Variants in TENM4 observed in about 807,000 individuals in gnomAD.
TENM4 encodes teneurin transmembrane protein 4.
Under a neutral mutation model 243.3 loss-of-function variants are expected in TENM4, and 82 were observed. The ratio of observed to expected loss-of-function variants is 0.34; its 90% CI spans 0.28 to 0.40. The LOEUF is 0.40. Among genes scored for constraint, TENM4 ranks in the 10% least tolerant of loss-of-function variants. The pLI is 1.00. For missense variants in TENM4, 3,138 were observed against 3,673.3 expected, an observed-to-expected ratio of 0.85 and a Z score of 3.77; for synonymous variants, 1,412 against 1,456.3, an observed-to-expected ratio of 0.97 and a Z score of 0.69.
chr11:78,806,113 G>C (rs1331557935), intron 14 of TENM4, among the ~76,000 whole-genome samples: 1 of 151,826 alleles, frequency 6.6e-6, no homozygotes, highest in African/African-American at 2.4e-5. Flanking sequence ...AACACAGCGA[G>C]ATCCTGTCTC....
intron 6 of TENM4, among the ~76,000 whole-genome samples, chr11:78,995,973 A>T (rs1168748360): frequency 6.6e-6 from 1 of 152,124 alleles, no homozygotes; most frequent in Non-Finnish European, 1.5e-5. Context: ...CTAAACTGAG[A>T]TCGCTTATGT....
rs139222502 is a variant in TENM4 at position 78,941,794 on chromosome 11, A to T, written c.494-38271T>A. Among the ~76,000 whole-genome samples the T allele has an allele frequency of 3.8e-3, 572 of 152,334 alleles. 3 individuals are homozygous for T. The highest frequency in any genetic ancestry group is 0.013 in the African/African-American group (536 of 41,564). ...TGAAATGGGCAGAGAGCTGACTCTG[A>T]CACAACACAGGCTGCATTCTTGGCC... On this transcript the variant is annotated intron_variant, in intron 6 of 33. Coordinates refer to ENST00000278550, the MANE Select transcript of TENM4 (RefSeq NM_001098816.3).
At chr11:79,292,975 C>G (rs1258346865) in intron 2 of TENM4, among the ~76,000 whole-genome samples, 2 of 152,146 alleles carry the variant, frequency 1.3e-5, no homozygotes, top group African/African-American at 4.8e-5. Context: ...GGCTGAGACT[C>G]CCAGTTTCTG....
chr11:79,276,802 T>C (rs1227678184), intron 2 of TENM4, among the ~76,000 whole-genome samples: 1 of 152,074 alleles, frequency 6.6e-6, no homozygotes, highest in African/African-American at 2.4e-5. Flanking sequence ...CAGCAGCCTT[T>C]TTCCTCTGCC....
intron 1 of TENM4, among the ~76,000 whole-genome samples, chr11:79,334,584 T>A (rs1857117201): frequency 6.6e-6 from 1 of 152,172 alleles, no homozygotes; most frequent in African/African-American, 2.4e-5. Flanking sequence ...GACAGGGGCA[T>A]CCCTTGCCTG....
chr11:78,952,654 C>T (rs61595970), intron 6 of TENM4, among the ~76,000 whole-genome samples: 1,630 of 152,312 alleles, frequency 0.011, 35 homozygotes, highest in African/African-American at 0.037. Flanking sequence ...GTGATCACAA[C>T]TTTAGTTTTG....
At chr11:78,773,780 GT>G (rs2136001222) in intron 17 of TENM4, among the ~76,000 whole-genome samples, 1 of 152,176 alleles carries the variant, frequency 6.6e-6, no homozygotes, top group East Asian at 1.9e-4. Context: ...CCAACCTCTG[GT>G]TTAGATGCTT....
At chr11:79,146,474 A>G (rs909010331) in intron 4 of TENM4, among the ~76,000 whole-genome samples, 11 of 152,124 alleles carry the variant, frequency 7.2e-5, no homozygotes, top group African/African-American at 2.7e-4. Context: ...AGGTGTGGAA[A>G]CACCTCTGAA....
chr11:79,170,064 T>C (rs1004006643), intron 3 of TENM4, among the ~76,000 whole-genome samples: 4 of 152,178 alleles, frequency 2.6e-5, no homozygotes, highest in Non-Finnish European at 4.4e-5. Flanking sequence ...CATGAGCTCT[T>C]TCCTGTCCAG....
intron 18 of TENM4, among the ~76,000 whole-genome samples, chr11:78,765,979 A>C (rs1257828107): frequency 6.6e-6 from 1 of 152,262 alleles, no homozygotes; most frequent in Non-Finnish European, 1.5e-5. Flanking sequence ...AAAAAATAGA[A>C]TGTAAAATTT....
chr11:78,794,863 T>C (rs567360018), intron 15 of TENM4, among the ~76,000 whole-genome samples: 4 of 152,282 alleles, frequency 2.6e-5, no homozygotes, highest in Middle Eastern at 6.8e-3. Context: ...AAAAGAATTC[T>C]CTAGATGGGA....
chr11:78,761,785 C>T (rs911875480), intron 18 of TENM4, among the ~76,000 whole-genome samples: 1 of 152,054 alleles, frequency 6.6e-6, no homozygotes, highest in African/African-American at 2.4e-5. Flanking sequence ...TAGTCCTTTT[C>T]TCACATGACT....
At chr11:79,320,955 A>G (rs1856878275) in intron 1 of TENM4, among the ~76,000 whole-genome samples, 1 of 152,200 alleles carries the variant, frequency 6.6e-6, no homozygotes, top group South Asian at 2.1e-4. Context: ...CCTCTTCTCA[A>G]TCTTGACAAA....
chr11:78,844,055 G>A (rs972075506), intron 12 of TENM4, among the ~76,000 whole-genome samples: 5 of 152,172 alleles, frequency 3.3e-5, no homozygotes, highest in African/African-American at 1.2e-4. Flanking sequence ...AGTTGGATTC[G>A]AAGACTCGGC....
rs117563538 is a variant in TENM4 at position 79,389,920 on chromosome 11, T to C, written c.-321+50589A>G. On this transcript the variant is annotated intron_variant, in intron 1 of 33. Transcript: ENST00000278550. ...TGTAAAGCCTAAAATATTTACTACCTGGCCCTTTCCAGAAAACGTTTGCTG... is the reference window on the plus strand; with the variant it reads ...TGTAAAGCCTAAAATATTTACTACCCGGCCCTTTCCAGAAAACGTTTGCTG... Among the ~76,000 whole-genome samples, 499 of 152,354 alleles carry C rather than the reference T, an allele frequency of 3.3e-3. 3 individuals are homozygous for C. Among genetic ancestry groups the C allele is most frequent in the Non-Finnish European group, 5.8e-3 (396 of 68,032 alleles).
chr11:78,991,808 A>G (rs1367296021), intron 6 of TENM4, among the ~76,000 whole-genome samples: 1 of 152,190 alleles, frequency 6.6e-6, no homozygotes, highest in Non-Finnish European at 1.5e-5. Flanking sequence ...CCAATTATAC[A>G]GTCTAGGATT....
intron 6 of TENM4, among the ~76,000 whole-genome samples, chr11:79,040,888 C>T (rs1439861786): frequency 6.6e-6 from 1 of 152,158 alleles, no homozygotes. Context: ...GCTTCTCCCT[C>T]CAGAGTTTCA....
intron 3 of TENM4, among the ~76,000 whole-genome samples, chr11:79,182,415 C>T (rs1863301281): frequency 1.3e-5 from 2 of 151,994 alleles, no homozygotes; most frequent in South Asian, 4.2e-4. Flanking sequence ...TAGACTTAGA[C>T]CTCATTCCCT....
At chr11:79,169,073 T>A (rs1218411194) in intron 3 of TENM4, among the ~76,000 whole-genome samples, 3 of 152,100 alleles carry the variant, frequency 2.0e-5, no homozygotes, top group African/African-American at 7.2e-5. Context: ...AAACTGGAAG[T>A]CCAATACCCC....
Sources: allele counts gnomAD v4.1 joint callset (sites outside exome capture counted in the v4.1 genomes callset), GRCh38; gene constraint gnomAD v4.1.1; transcripts MANE v1.5; gene names NCBI Gene and HGNC (gene_info 2026-07-23, HGNC 2026-07-21).